RUVBL1: variants seen among roughly 807,000 people sequenced by gnomAD.
RUVBL1 encodes ruvB-like 1.
In RUVBL1, 4 loss-of-function variants were observed where a neutral mutation model predicts 52.4. The observed-to-expected ratio is 0.08, with a 90% confidence interval of 0.04 to 0.17. The LOEUF is 0.17. Among genes scored for constraint, RUVBL1 ranks in the 10% least tolerant of loss-of-function variants. The pLI is 1.00. For synonymous variants in RUVBL1, 217 were observed against 214.4 expected (o/e 1.01, Z -0.10); for missense variants, 298 against 572.8 (o/e 0.52, Z 4.90).
At chr3:128,111,371 C>T (rs548241868) in intron 3 of RUVBL1, among the ~76,000 whole-genome samples, 1 of 152,300 alleles carries the variant, frequency 6.6e-6, no homozygotes, top group East Asian at 1.9e-4. Flanking sequence ...CCAGGAGACG[C>T]TGAGTAAACA....
At chr3:128,143,235 C>A (rs149442225) in intron 1 of RUVBL1, among the ~76,000 whole-genome samples, 2 of 150,354 alleles carry the variant, frequency 1.3e-5, no homozygotes, top group South Asian at 4.2e-4. Context: ...TTCAGTGGCA[C>A]AATCTTGGCT....
chr3:128,109,705 G>A (rs1260249968), intron 3 of RUVBL1, among the ~76,000 whole-genome samples: 2 of 151,274 alleles, frequency 1.3e-5, no homozygotes, highest in Non-Finnish European at 2.9e-5. Flanking sequence ...TGTTCCCCAG[G>A]CTGGTCTCGA....
rs1490836740 is a variant in RUVBL1, at chr3:128,082,252, A to G, written c.1211+231T>C. ...GTCAAAGCACTCTCCACCAGAGGGGAGCATCTGCTGCAGGACATGGGGACT... is the reference window on the plus strand; with the variant it reads ...GTCAAAGCACTCTCCACCAGAGGGGGGCATCTGCTGCAGGACATGGGGACT... On this transcript the variant is annotated intron_variant, in intron 10 of 10. Coordinates refer to ENST00000322623, the MANE Select transcript of RUVBL1 (RefSeq NM_003707.3). This position sits in a 1 kb window ranked among gnomAD's most constrained non-coding sequence, Gnocchi z 4.7. 1 of 502,908 alleles carries G rather than the reference A, an allele frequency of 2.0e-6. No individual in the cohort carries two copies. The highest frequency in any genetic ancestry group is 2.0e-5 in the African/African-American group (1 of 50,890). The allele number at this position is 502,908 out of a possible 1,614,324, so 31.2% of individuals were successfully genotyped here.
chr3:128,124,866 A>G (rs1188299325), upstream of RUVBL1, among the ~76,000 whole-genome samples: 1 of 152,138 alleles, frequency 6.6e-6, no homozygotes, highest in Non-Finnish European at 1.5e-5. Context: ...AGCAAATGGT[A>G]TGACACCATT....
chr3:128,088,157 G>A (rs1335269208), intron 8 of RUVBL1, among the ~76,000 whole-genome samples: 2 of 151,866 alleles, frequency 1.3e-5, no homozygotes, highest in Non-Finnish European at 1.5e-5. Context: ...AGCTACTCAG[G>A]AGGCTGAGGC....
intron 4 of RUVBL1, 35 bp from the exon 5 acceptor site, chr3:128,101,683 A>G (rs746323112): frequency 5.0e-6 from 8 of 1,595,656 alleles, no homozygotes; most frequent in Non-Finnish European, 6.9e-6. Context: ...AGTGTAATAC[A>G]TATTCCATTT....
intron 9 of RUVBL1, among the ~76,000 whole-genome samples, chr3:128,073,144 G>A (rs1170945434): frequency 6.6e-6 from 1 of 152,170 alleles, no homozygotes; most frequent in African/African-American, 2.4e-5. Context: ...TCCCTGTCTG[G>A]CTGCTGGTCC....
intron 1 of RUVBL1, among the ~76,000 whole-genome samples, chr3:128,133,801 G>A (rs1245260196): frequency 6.6e-6 from 1 of 152,182 alleles, no homozygotes; most frequent in African/African-American, 2.4e-5. Flanking sequence ...AGCTCAGACT[G>A]CAAAGACTGT....
chr3:128,150,742 T>A (rs1161633929), intron 1 of RUVBL1, among the ~76,000 whole-genome samples: 6 of 115,824 alleles, frequency 5.2e-5, no homozygotes, highest in Admixed American at 1.1e-4. Context: ...ATATATTCTA[T>A]ATTATATATT....
At chr3:128,078,887 C>T (rs1023004476), downstream of RUVBL1, 3 of 152,228 alleles carry the variant, frequency 2.0e-5, no homozygotes, top group Non-Finnish European at 2.9e-5. Context: ...CACCTTCCTA[C>T]CTATCCAGAA....
At chr3:128,093,911 G>A (rs1193616742) in intron 8 of RUVBL1, among the ~76,000 whole-genome samples, 1 of 152,152 alleles carries the variant, frequency 6.6e-6, no homozygotes, top group Non-Finnish European at 1.5e-5. Flanking sequence ...GTGACCTAAA[G>A]GACTTGGGGG....
chr3:128,077,942 G>A (rs1942378193), downstream of RUVBL1, among the ~76,000 whole-genome samples: 1 of 152,158 alleles, frequency 6.6e-6, no homozygotes, highest in Non-Finnish European at 1.5e-5. Flanking sequence ...TCCTCACATG[G>A]GTCTATGGGA....
In RUVBL1 at chr3:128,067,238, TC is replaced by T. The variant is rs1461388513; in HGVS notation, c.940-2019del. Reference sequence around the variant, plus strand: ...GTCTTGCTCATGAACAGATATTTCATCCAAAGATATTTTCCATTGTGCCTTT... The same window carrying T: ...GTCTTGCTCATGAACAGATATTTCATCAAAGATATTTTCCATTGTGCCTTT... On this transcript the variant is annotated intron_variant, in intron 9 of 9. Coordinates refer to the RUVBL1 transcript ENST00000464873. The surrounding 1 kb of genome is among the most constrained non-coding windows in gnomAD (Gnocchi z 4.1). 42 of 1,379,560 alleles carry T rather than the reference TC, an allele frequency of 3.0e-5. 1 individual carries two copies. In the East Asian group the frequency reaches 7.3e-4, roughly 24 times the overall value. The allele number at this position is 1,379,560 out of a possible 1,614,324, so 85.5% of individuals were successfully genotyped here.
chr3:128,081,436 A>G lies in RUVBL1; in HGVS notation c.1212-27T>C. 3 of 1,597,300 alleles carry G rather than the reference A, an allele frequency of 1.9e-6. No individual in the cohort carries two copies. The highest frequency in any genetic ancestry group is 4.5e-5 in the East Asian group (2 of 44,548). On this transcript the variant is annotated intron_variant, in intron 10 of 10. Coordinates refer to ENST00000322623, the MANE Select transcript of RUVBL1 (RefSeq NM_003707.3). The surrounding 1 kb of genome is among the most constrained non-coding windows in gnomAD (Gnocchi z 4.8). Reference sequence around the variant, plus strand: ...TAGAGTGGACAGGGGCCAGGGCTGGAGTGAAACTGGGGCCACCGAAGAAAG... The same window carrying G: ...TAGAGTGGACAGGGGCCAGGGCTGGGGTGAAACTGGGGCCACCGAAGAAAG...
intron 1 of RUVBL1, among the ~76,000 whole-genome samples, chr3:128,147,219 G>T (rs1157100200): frequency 6.6e-6 from 1 of 152,110 alleles, no homozygotes; most frequent in African/African-American, 2.4e-5. Flanking sequence ...ACAGGCATGT[G>T]CCACCATACC....
At chr3:128,075,621 G>A (rs1451434977) in intron 9 of RUVBL1, among the ~76,000 whole-genome samples, 2 of 152,044 alleles carry the variant, frequency 1.3e-5, no homozygotes, top group Admixed American at 1.3e-4. Context: ...GACTTCCCAA[G>A]TCGTGCTGGG....
intron 1 of RUVBL1, among the ~76,000 whole-genome samples, chr3:128,148,899 T>C (rs1944143240): frequency 6.6e-6 from 1 of 152,196 alleles, no homozygotes; most frequent in African/African-American, 2.4e-5. Flanking sequence ...TATTCCACAG[T>C]ATAGACAGAC....
intron 3 of RUVBL1, among the ~76,000 whole-genome samples, chr3:128,106,363 T>C (rs1943235726): frequency 6.6e-6 from 1 of 152,256 alleles, no homozygotes; most frequent in Admixed American, 6.5e-5. Context: ...GTGATCTCTA[T>C]GTTCATTACA....
Position 128,087,763 on chromosome 3 carries a change from A to T in RUVBL1, c.1062T>A (p.Leu354=), listed in dbSNP as rs768640407. 1.9e-6 allele frequency: 3 copies of T among 1,613,996 alleles called. No individual in the cohort carries two copies. The highest frequency in any genetic ancestry group is 2.5e-6 in the Non-Finnish European group (3 of 1,179,994). Residue 354 remains leucine (L), a synonymous_variant, in exon 9 of 11, where the codon CTT becomes CTA. Transcript: ENST00000322623. ...ITSPHGIPLD[L]LDRVMIIRTM... is the part of the protein sequence containing the mutation. ...TCCGGATTATCATCACTCGGTCCAG[A>T]AGGTCAAGAGGGATGCCGTGAGGGG...
Sources: allele counts gnomAD v4.1 joint callset (sites outside exome capture counted in the v4.1 genomes callset), GRCh38; gene constraint gnomAD v4.1.1; non-coding constraint Gnocchi (gnomAD v3.1); transcripts MANE v1.5; gene names NCBI Gene and HGNC (gene_info 2026-07-23, HGNC 2026-07-21).